Variants in PRKG1 observed in about 807,000 individuals in gnomAD.
PRKG1 encodes the protein cGMP-dependent protein kinase 1.
Under a neutral mutation model 88.1 loss-of-function variants are expected in PRKG1, and 35 were observed. The ratio of observed to expected loss-of-function variants is 0.40; its 90% CI spans 0.30 to 0.53. The LOEUF is 0.53. PRKG1 is among the 20% of genes least tolerant of loss of function. The probability of loss-of-function intolerance (pLI) is 0.59; values close to 1 mark genes in which losing one functional copy is unlikely to be tolerated. For missense variants in PRKG1, 540 were observed against 839.8 expected (o/e 0.64, Z 4.41); for synonymous variants, 303 against 292.5 (o/e 1.04, Z -0.37).
At chr10:51,636,326 T>C (rs938620371) in intron 3 of PRKG1, among the ~76,000 whole-genome samples, 3 of 152,200 alleles carry the variant, frequency 2.0e-5, no homozygotes, top group African/African-American at 7.2e-5. Context: ...AGCAAAACCA[T>C]TGATTCTCCA....
At chr10:52,110,071 C>T (rs578110781) in intron 7 of PRKG1, among the ~76,000 whole-genome samples, 7 of 151,908 alleles carry the variant, frequency 4.6e-5, no homozygotes, top group Non-Finnish European at 1.0e-4. Context: ...CTAGGCCGGG[C>T]GCCGTGGCTC....
intron 3 of PRKG1, among the ~76,000 whole-genome samples, chr10:51,717,120 C>T (rs942983582): frequency 2.6e-5 from 4 of 152,144 alleles, no homozygotes; most frequent in African/African-American, 4.8e-5. Flanking sequence ...GTAAGGAAGC[C>T]GTGAAAGCAC....
At chr10:51,299,706 GCT>G in intron 2 of PRKG1, 1 of 436,094 alleles carries the variant, frequency 2.3e-6, no homozygotes. Context: ...CAGGTATATT[GCT>G]CTCTGCACAT....
At chr10:51,219,707 C>G (rs575985260) in intron 2 of PRKG1, among the ~76,000 whole-genome samples, 2 of 150,096 alleles carry the variant, frequency 1.3e-5, no homozygotes, top group East Asian at 3.9e-4. Flanking sequence ...GAGACTCCAT[C>G]TCAAAAAAAA....
chr10:52,131,573 G>A (rs1363274118), intron 7 of PRKG1, among the ~76,000 whole-genome samples: 4 of 151,906 alleles, frequency 2.6e-5, no homozygotes, highest in East Asian at 1.9e-4. Context: ...GTGGCTGGGC[G>A]CGGTGGCTCA....
intron 4 of PRKG1, among the ~76,000 whole-genome samples, chr10:51,876,399 G>T (rs1327403713): frequency 2.0e-5 from 3 of 152,146 alleles, no homozygotes; most frequent in East Asian, 1.9e-4. Context: ...GTTTATAAAA[G>T]AAAAACCCTT....
chr10:51,907,379 T>A, intron 4 of PRKG1, 128 bp from the exon 5 acceptor site: 1 of 692,690 alleles, frequency 1.4e-6, no homozygotes, highest in Non-Finnish European at 2.3e-6. Context: ...CTAATGCATT[T>A]TTTTTTTTTT....
intron 1 of PRKG1, among the ~76,000 whole-genome samples, chr10:51,043,951 A>G (rs1214307337): frequency 6.6e-6 from 1 of 152,148 alleles, no homozygotes; most frequent in Non-Finnish European, 1.5e-5. Context: ...TTTTCTCTAT[A>G]CCAAACCTTT....
chr10:51,889,170 A>G (rs1354167553), intron 4 of PRKG1, among the ~76,000 whole-genome samples: 1 of 149,310 alleles, frequency 6.7e-6, no homozygotes, highest in Non-Finnish European at 1.5e-5. Context: ...TTAACTCGTC[A>G]TTTACATTAG....
chr10:52,081,580 T>C (rs1846776943), intron 7 of PRKG1: 1 of 456,490 alleles, frequency 2.2e-6, no homozygotes, highest in Non-Finnish European at 4.4e-6. Flanking sequence ...ACTTACCATA[T>C]GCCATGTACG....
At chr10:51,280,790 C>T (rs1350473655) in intron 2 of PRKG1, among the ~76,000 whole-genome samples, 2 of 152,154 alleles carry the variant, frequency 1.3e-5, no homozygotes, top group Non-Finnish European at 2.9e-5. Flanking sequence ...AGGTTTTTAG[C>T]TTCTTTGCGA....
chr10:51,940,453 A>G (rs568705533), intron 5 of PRKG1, among the ~76,000 whole-genome samples: 32 of 151,972 alleles, frequency 2.1e-4, no homozygotes, highest in Non-Finnish European at 4.6e-4. Flanking sequence ...GTGATATGTG[A>G]ATATAGGGCT....
intron 3 of PRKG1, among the ~76,000 whole-genome samples, chr10:51,468,722 T>C (rs949557672): frequency 6.6e-6 from 1 of 151,850 alleles, no homozygotes; most frequent in African/African-American, 2.4e-5. Flanking sequence ...TTAAAAAAAA[T>C]GCTATTGGCA....
intron 3 of PRKG1, among the ~76,000 whole-genome samples, chr10:51,709,065 C>T: frequency 6.6e-6 from 1 of 152,190 alleles, no homozygotes; most frequent in East Asian, 1.9e-4. Flanking sequence ...TGTCCACAAC[C>T]TTCCTCTAAA....
At chr10:51,399,261 C>T (rs1837667354) in intron 2 of PRKG1, among the ~76,000 whole-genome samples, 2 of 152,034 alleles carry the variant, frequency 1.3e-5, no homozygotes, top group Non-Finnish European at 2.9e-5. Flanking sequence ...TTAGGAATTT[C>T]ATATGATACA....
chr10:52,051,011 CTG>C (rs940930628), intron 5 of PRKG1, among the ~76,000 whole-genome samples: 5 of 152,120 alleles, frequency 3.3e-5, no homozygotes, highest in Non-Finnish European at 5.9e-5. Flanking sequence ...GCTGGCAACT[CTG>C]TTAAACATCC....
intron 4 of PRKG1, among the ~76,000 whole-genome samples, chr10:51,883,297 C>T (rs1481017818): frequency 6.6e-6 from 1 of 152,196 alleles, no homozygotes; most frequent in Admixed American, 6.5e-5. Context: ...GATTGTGGGG[C>T]TCTCAGTCTC....
chr10:51,974,581 CT>C (rs35929103), intron 5 of PRKG1, among the ~76,000 whole-genome samples: 32,118 of 152,018 alleles, frequency 0.21, 3,985 homozygotes, highest in Non-Finnish European at 0.28. Flanking sequence ...AATATTCCCT[CT>C]CTTTCATATG....
rs1409365969 is a variant in PRKG1 at position 52,073,273 on chromosome 10, C to T, written c.935+10642C>T. On this transcript the variant is annotated intron_variant, in intron 7 of 17. Transcript: ENST00000373980. Reference sequence around the variant, plus strand: ...CTTAACTTGATCATATCTGGAAGACCTTATTTTCAAATATAATTACATTCA... The same window carrying T: ...CTTAACTTGATCATATCTGGAAGACTTTATTTTCAAATATAATTACATTCA... 4.6e-5 allele frequency among the ~76,000 whole-genome samples: 7 copies of T among 152,300 alleles called. No individual in the cohort carries two copies. The East Asian group carries it at 1.2e-3, about 25-fold the overall frequency.
Sources: gnomAD v4.1 joint callset for allele counts (sites outside exome capture counted in the v4.1 genomes callset) on GRCh38, gnomAD v4.1.1 for gene constraint, MANE v1.5 for transcripts, NCBI Gene and HGNC (gene_info 2026-07-23, HGNC 2026-07-21) for gene names.